Variants in ST7 observed in about 807,000 individuals in gnomAD.
ST7 encodes the protein suppression of tumorigenicity 7, also known as suppressor of tumorigenicity 7 protein.
In ST7, 28 loss-of-function variants were observed where a neutral mutation model predicts 78.7. The ratio of observed to expected loss-of-function variants is 0.36; its 90% CI spans 0.26 to 0.49. The LOEUF is 0.49. Among genes scored for constraint, ST7 ranks in the 20% least tolerant of loss-of-function variants. The pLI is 0.99. For synonymous variants in ST7, 247 were observed against 249.6 expected (o/e 0.99, Z 0.10); for missense variants, 418 against 696.0 (o/e 0.60, Z 4.49).
chr7:117,045,042 G>C (rs1797423926), intron 1 of ST7, among the ~76,000 whole-genome samples: 1 of 152,008 alleles, frequency 6.6e-6, no homozygotes, highest in Non-Finnish European at 1.5e-5. Context: ...CTTTATTTCT[G>C]ACACTCCACA....
intron 1 of ST7, among the ~76,000 whole-genome samples, chr7:116,986,823 T>C (rs1217162709): frequency 6.6e-6 from 1 of 152,200 alleles, no homozygotes; most frequent in Non-Finnish European, 1.5e-5. Flanking sequence ...ATATGGTTAC[T>C]AAAGAAGTGA....
intron 1 of ST7, among the ~76,000 whole-genome samples, chr7:116,984,457 G>C (rs991078906): frequency 1.3e-5 from 2 of 152,028 alleles, no homozygotes; most frequent in African/African-American, 4.8e-5. Flanking sequence ...TGTTGGGGTC[G>C]GTTACGTGTG....
chr7:117,149,447 C>T (rs1156834031), intron 9 of ST7, among the ~76,000 whole-genome samples: 1 of 152,102 alleles, frequency 6.6e-6, no homozygotes, highest in East Asian at 1.9e-4. Flanking sequence ...AGGAGGGGCC[C>T]TTCTCAAGTT....
chr7:117,194,682 G>C (rs1025493592), intron 12 of ST7, among the ~76,000 whole-genome samples: 2 of 152,310 alleles, frequency 1.3e-5, no homozygotes, highest in Non-Finnish European at 2.9e-5. Context: ...GACAAACAAA[G>C]GACTACCCTC....
intron 1 of ST7, among the ~76,000 whole-genome samples, chr7:117,076,208 G>A (rs1483534753): frequency 1.3e-5 from 2 of 152,218 alleles, no homozygotes; most frequent in Non-Finnish European, 2.9e-5. Flanking sequence ...GCAGGACCTA[G>A]ACCAAACCTC....
At chr7:117,141,212 GT>G (rs1805264542) in intron 9 of ST7, among the ~76,000 whole-genome samples, 1 of 152,140 alleles carries the variant, frequency 6.6e-6, no homozygotes, top group African/African-American at 2.4e-5. Context: ...ATATGCATGA[GT>G]TTAAAACTTT....
intron 1 of ST7, among the ~76,000 whole-genome samples, chr7:117,031,255 C>G (rs1432104912): frequency 6.6e-6 from 1 of 151,592 alleles, no homozygotes; most frequent in African/African-American, 2.4e-5. Context: ...GGGTACTGCG[C>G]TTATTACTGA....
chr7:116,958,615 C>T (rs752434852), intron 1 of ST7: 1 of 471,248 alleles, frequency 2.1e-6, no homozygotes, highest in African/African-American at 2.0e-5. Flanking sequence ...GCCTTCTGAT[C>T]CTTTCAGCTG....
At chr7:117,069,791 G>C (rs1054507195) in intron 1 of ST7, among the ~76,000 whole-genome samples, 2 of 152,140 alleles carry the variant, frequency 1.3e-5, no homozygotes, top group Non-Finnish European at 2.9e-5. Flanking sequence ...TATATTTTAG[G>C]CTCTTCCCTT....
intron 9 of ST7, among the ~76,000 whole-genome samples, chr7:117,141,013 C>G (rs939489381): frequency 2.0e-5 from 3 of 152,180 alleles, no homozygotes; most frequent in Non-Finnish European, 4.4e-5. Context: ...TTGTTTGGCT[C>G]CTCTCCGGTC....
chr7:116,985,893 C>T (rs906961694), intron 1 of ST7, among the ~76,000 whole-genome samples: 5 of 152,212 alleles, frequency 3.3e-5, no homozygotes, highest in Non-Finnish European at 5.9e-5. Flanking sequence ...AGTGTAGTAG[C>T]ATGATCTTGG....
chr7:117,000,711 C>T (rs1332007330), intron 1 of ST7, among the ~76,000 whole-genome samples: 1 of 152,174 alleles, frequency 6.6e-6, no homozygotes, highest in Non-Finnish European at 1.5e-5. Flanking sequence ...GGCAGTACTG[C>T]CATGTGGAAA....
intron 9 of ST7, among the ~76,000 whole-genome samples, chr7:117,167,743 A>G (rs1807681383): frequency 6.6e-6 from 1 of 152,168 alleles, no homozygotes; most frequent in African/African-American, 2.4e-5. Flanking sequence ...GAGCTGTGAG[A>G]TAAGTATAAA....
intron 1 of ST7, among the ~76,000 whole-genome samples, chr7:117,067,192 T>C (rs1798684908): frequency 6.6e-6 from 1 of 152,078 alleles, no homozygotes; most frequent in Non-Finnish European, 1.5e-5. Context: ...GAACGATACT[T>C]CTCTGAACAT....
chr7:117,215,775 G>A (rs988368535), intron 13 of ST7, among the ~76,000 whole-genome samples: 4 of 152,142 alleles, frequency 2.6e-5, no homozygotes, highest in Non-Finnish European at 4.4e-5. Context: ...CTGGCACTTG[G>A]TGGTGAGCTC....
intron 9 of ST7, among the ~76,000 whole-genome samples, chr7:117,168,277 C>T (rs932242975): frequency 1.4e-4 from 22 of 152,244 alleles, no homozygotes; most frequent in East Asian, 5.8e-4. Flanking sequence ...TTTGCGTATG[C>T]GGTCTCACTG....
rs535313173 is a variant in ST7, at chr7:117,108,457, T to C, written c.234+8613T>C. On this transcript the variant is annotated intron_variant, in intron 2 of 15. Transcript: ENST00000323984. The stretch of plus-strand genomic sequence containing the variant: ...TCTGTTTCATAGGTCTATATGCCTG[T>C]TTTTATACTAGTACCAAGCTGTTTT... Among the ~76,000 whole-genome samples, 3 of 152,344 alleles carry C rather than the reference T, an allele frequency of 2.0e-5. No homozygotes were observed. In the South Asian group the frequency reaches 6.2e-4, roughly 32 times the overall value.
intron 1 of ST7, among the ~76,000 whole-genome samples, chr7:116,993,754 A>G (rs181413992): frequency 6.6e-6 from 1 of 152,356 alleles, no homozygotes; most frequent in African/African-American, 2.4e-5. Context: ...GTTTATTTAG[A>G]AGGATCAGGG....
chr7:117,175,772 T>A (rs575795006), intron 10 of ST7, among the ~76,000 whole-genome samples: 1 of 152,206 alleles, frequency 6.6e-6, no homozygotes, highest in African/African-American at 2.4e-5. Context: ...GGACACACAG[T>A]AAGAGTTCAG....
Sources: gnomAD v4.1 joint callset for allele counts (sites outside exome capture counted in the v4.1 genomes callset) on GRCh38, gnomAD v4.1.1 for gene constraint, MANE v1.5 for transcripts, NCBI Gene and HGNC (gene_info 2026-07-23, HGNC 2026-07-21) for gene names.